Variants in RBFOX1 observed in about 807,000 individuals in gnomAD.
RBFOX1 encodes the protein RNA binding fox-1 homolog 1, also known as RNA binding protein fox-1 homolog 1.
A neutral mutation model predicts 57.7 loss-of-function variants in RBFOX1; 8 were observed. The ratio of observed to expected loss-of-function variants is 0.14; its 90% confidence interval spans 0.08 to 0.25. The LOEUF is 0.25. Ranked by LOEUF, RBFOX1 falls within the 10% of genes least tolerant of loss-of-function variation. RBFOX1 has a pLI of 1.00. For synonymous variants in RBFOX1, 326 were observed against 222.4 expected, an observed-to-expected ratio of 1.47 and a Z score of -4.15; for missense variants, 611 against 548.5, an observed-to-expected ratio of 1.11 and a Z score of -1.14.
intron 3 of RBFOX1, among the ~76,000 whole-genome samples, chr16:6,999,902 T>A (rs2092633756): frequency 6.6e-6 from 1 of 151,854 alleles, no homozygotes. Flanking sequence ...TGAAACCCTG[T>A]CTTTACTAAA....
At chr16:7,147,259 C>A (rs966051172) in intron 4 of RBFOX1, among the ~76,000 whole-genome samples, 3 of 151,558 alleles carry the variant, frequency 2.0e-5, no homozygotes, top group Non-Finnish European at 2.9e-5. Context: ...CCCACCTCAG[C>A]CTCCCAAAGT....
At chr16:7,080,788 T>C (rs2059071619) in intron 4 of RBFOX1, among the ~76,000 whole-genome samples, 1 of 152,216 alleles carries the variant, frequency 6.6e-6, no homozygotes, top group African/African-American at 2.4e-5. Context: ...ATTCATTGCG[T>C]GGAAGACCAC....
chr16:5,728,114 A>C (rs1000529955), intron 3 of RBFOX1, among the ~76,000 whole-genome samples: 8 of 152,252 alleles, frequency 5.3e-5, no homozygotes, highest in African/African-American at 1.9e-4. Flanking sequence ...GTGGACATTC[A>C]AAAGAAATAA....
At chr16:5,337,879 G>T (rs2064938173) in intron 1 of RBFOX1, among the ~76,000 whole-genome samples, 1 of 151,836 alleles carries the variant, frequency 6.6e-6, no homozygotes, top group African/African-American at 2.4e-5. Context: ...CCCCATCTCT[G>T]CAAAAAATTA....
intron 4 of RBFOX1, among the ~76,000 whole-genome samples, chr16:7,085,708 G>A (rs927061414): frequency 2.0e-5 from 3 of 152,156 alleles, no homozygotes; most frequent in Non-Finnish European, 4.4e-5. Flanking sequence ...GTCCGGAGGT[G>A]ATCTCTGTCA....
chr16:7,579,795 C>T lies in RBFOX1; in HGVS notation c.289C>T (p.Pro97Ser), dbSNP rs2093615072. Reference protein sequence around the residue: ...GTATQTDDAAPTDGQPQTQPS... With the variant: ...GTATQTDDAASTDGQPQTQPS... ...CTTTTAGCAGACAGATGACGCAGCA[C>T]CGACGGATGGCCAGCCCCAGACACA... Residue 97 changes from proline (P) to serine (S), a missense_variant, in exon 6 of 16, where the codon CCG becomes TCG. This residue lies in a region of RBFOX1 where 245 missense variants were observed against 159.1 expected (regional missense o/e 1.54). Transcript: ENST00000550418. 3.7e-6 allele frequency: 6 copies of T among 1,614,106 alleles called. No homozygotes were observed. The East Asian group carries it at 1.1e-4, about 30-fold the overall frequency.
chr16:6,553,325 G>A (rs1419122960), intron 2 of RBFOX1, among the ~76,000 whole-genome samples: 1 of 152,238 alleles, frequency 6.6e-6, no homozygotes, highest in South Asian at 2.1e-4. Context: ...ATCGTGAAGT[G>A]CAGACGTAGG....
At chr16:5,539,570 C>A (rs1325822158) in intron 2 of RBFOX1, among the ~76,000 whole-genome samples, 1 of 151,996 alleles carries the variant, frequency 6.6e-6, no homozygotes, top group Non-Finnish European at 1.5e-5. Context: ...CACTGCACCC[C>A]AGCCTGGGCA....
chr16:6,165,532 T>C (rs2096910853), intron 1 of RBFOX1, among the ~76,000 whole-genome samples: 1 of 152,170 alleles, frequency 6.6e-6, no homozygotes, highest in Admixed American at 6.5e-5. Context: ...ACGTTTGCCC[T>C]CTGGTGGACA....
chr16:6,249,190 G>A (rs886725987), intron 1 of RBFOX1, among the ~76,000 whole-genome samples: 1 of 152,098 alleles, frequency 6.6e-6, no homozygotes, highest in Non-Finnish European at 1.5e-5. Flanking sequence ...TGCATGACCA[G>A]CTATGGGACC....
intron 2 of RBFOX1, among the ~76,000 whole-genome samples, chr16:5,549,310 T>A (rs2045362056): frequency 6.6e-6 from 1 of 152,218 alleles, no homozygotes; most frequent in Non-Finnish European, 1.5e-5. Context: ...TGTTCTTGGT[T>A]GAACTTTGCT....
intron 4 of RBFOX1, among the ~76,000 whole-genome samples, chr16:7,140,238 T>A (rs1227662627): frequency 1.4e-5 from 2 of 139,358 alleles, no homozygotes; most frequent in East Asian, 4.4e-4. Flanking sequence ...AATGGACAAA[T>A]AAATTTTGTC....
At chr16:6,850,217 T>A (rs1245469183) in intron 3 of RBFOX1, among the ~76,000 whole-genome samples, 1 of 152,170 alleles carries the variant, frequency 6.6e-6, no homozygotes, top group Non-Finnish European at 1.5e-5. Flanking sequence ...GAAGCAGAAA[T>A]GATTCCTCTT....
intron 3 of RBFOX1, among the ~76,000 whole-genome samples, chr16:6,935,806 C>G (rs1397054456): frequency 6.6e-6 from 1 of 152,164 alleles, no homozygotes; most frequent in Non-Finnish European, 1.5e-5. Flanking sequence ...GCATGCATGT[C>G]TCTAAGGCAT....
At chr16:5,452,398 T>C (rs2068454910) in intron 1 of RBFOX1, among the ~76,000 whole-genome samples, 1 of 151,740 alleles carries the variant, frequency 6.6e-6, no homozygotes, top group South Asian at 2.1e-4. Flanking sequence ...GGTGAGTTAC[T>C]ACACCCGGGC....
intron 3 of RBFOX1, among the ~76,000 whole-genome samples, chr16:6,739,071 C>T (rs1170773458): frequency 6.6e-6 from 1 of 151,930 alleles, no homozygotes; most frequent in East Asian, 1.9e-4. Context: ...GCTCCTACTT[C>T]AGACAAAAAT....
intron 2 of RBFOX1, among the ~76,000 whole-genome samples, chr16:6,590,061 A>C (rs528170365): frequency 6.6e-6 from 1 of 152,354 alleles, no homozygotes; most frequent in African/African-American, 2.4e-5. Context: ...AAGGAAAGAG[A>C]AAAGATAACT....
intron 1 of RBFOX1, among the ~76,000 whole-genome samples, chr16:5,310,658 AG>A (rs1230309601): frequency 4.6e-5 from 7 of 152,312 alleles, no homozygotes; most frequent in Middle Eastern, 6.8e-3. Context: ...CTTGAACAGG[AG>A]GGTTAGTGCT....
At chr16:5,866,513 T>G (rs555886719) in intron 3 of RBFOX1, among the ~76,000 whole-genome samples, 1 of 152,268 alleles carries the variant, frequency 6.6e-6, no homozygotes, top group Admixed American at 6.5e-5. Flanking sequence ...TTAAGAGTTA[T>G]CACACAGAGA....
Sources: gnomAD v4.1 joint callset for allele counts (sites outside exome capture counted in the v4.1 genomes callset) on GRCh38, gnomAD v4.1.1 for gene constraint, gnomAD v4.1.1 regional missense constraint, MANE v1.5 for transcripts, NCBI Gene and HGNC (gene_info 2026-07-23, HGNC 2026-07-21) for gene names.